Variants in RYR1 observed in about 807,000 individuals in gnomAD.
RYR1 encodes the protein ryanodine receptor 1, also known as central core disease of muscle.
In RYR1, 342 loss-of-function variants were observed where a neutral mutation model predicts 583.5. The ratio of observed to expected loss-of-function variants is 0.59; its 90% CI spans 0.54 to 0.64. RYR1 has a LOEUF of 0.64. Ranked by LOEUF, RYR1 falls within the 30% of genes least tolerant of loss-of-function variation. RYR1 has a pLI of 0.00. For synonymous variants in RYR1, 2,791 were observed against 2,822.5 expected, an observed-to-expected ratio of 0.99 and a Z score of 0.35; for missense variants, 6,032 against 6,917.2, an observed-to-expected ratio of 0.87 and a Z score of 4.54.
At chr19:38,532,884 C>T in intron 78 of RYR1, 148 bp downstream of exon 78, 1 of 768,318 alleles carries the variant, frequency 1.3e-6, no homozygotes, top group South Asian at 1.6e-5. Flanking sequence ...ATACACCCGC[C>T]AAACTAACAC....
chr19:38,537,416 G>A (rs965114683), intron 83 of RYR1, among the ~76,000 whole-genome samples: 1 of 152,108 alleles, frequency 6.6e-6, no homozygotes, highest in Non-Finnish European at 1.5e-5. Context: ...CAATTGGCTG[G>A]CTTTCAATCC....
At chr19:38,581,078 T>C (rs1261237668) in intron 101 of RYR1, among the ~76,000 whole-genome samples, 1 of 151,716 alleles carries the variant, frequency 6.6e-6, no homozygotes, top group Non-Finnish European at 1.5e-5. Flanking sequence ...TTTGTATTCT[T>C]AATTTTCTTT....
chr19:38,459,883 C>A (rs1372803170), intron 19 of RYR1, among the ~76,000 whole-genome samples: 7 of 152,184 alleles, frequency 4.6e-5, no homozygotes, highest in Non-Finnish European at 7.4e-5. Flanking sequence ...CCCAGTGACC[C>A]TGCTCCCGAA....
intron 66 of RYR1, 43 bp from the exon 67 acceptor site, chr19:38,519,171 T>C: frequency 6.2e-7 from 1 of 1,613,696 alleles, no homozygotes; most frequent in Non-Finnish European, 8.5e-7. Context: ...GGGGCCTGTG[T>C]CAGAGGCCGG....
rs957055761 is a variant in RYR1 at position 38,535,999 on chromosome 19, T to C, written c.11519T>C (p.Val3840Ala). The C allele has an allele frequency of 1.2e-6, 2 of 1,613,756 alleles. No homozygotes were observed. The highest frequency in any genetic ancestry group is 1.7e-6 in the Non-Finnish European group (2 of 1,179,928). The change falls in exon 82 of 106, where the codon GTC becomes GCC. Residue 3840 changes from valine (V) to alanine (A), a missense_variant and splice_region_variant. This residue lies in a region of RYR1 where 1,493 missense variants were observed against 1,715.5 expected (regional missense o/e 0.87). Coordinates refer to ENST00000359596, the MANE Select transcript of RYR1 (RefSeq NM_000540.3). ...SIQALMQTCS[V>A]LDLNAFERQN... The stretch of plus-strand genomic sequence containing the variant: ...TATCTTTCCTTTCTTTTCCTCAGCG[T>C]CCTGGATCTCAATGCCTTTGAGAGA...
In RYR1 at chr19:38,580,154, C is replaced by T. The variant is rs369184310; in HGVS notation, c.14511+26C>T. On this transcript the variant is annotated intron_variant, in intron 100 of 105. Transcript: ENST00000359596. ...GTGTGGGGAGGACCTGGCTGTGGGG[C>T]GTGGGCCAGCAGGGACCAGCGTGGC... is the stretch of plus-strand genomic sequence containing the variant. 197 of 1,613,868 alleles carry T rather than the reference C, an allele frequency of 1.2e-4. 2 individuals are homozygous for T. In the South Asian group the frequency reaches 1.9e-3, roughly 16 times the overall value.
At position 38,496,715 on chromosome 19, in the gene RYR1, C is replaced by T. The variant is rs1333553050; in HGVS notation, c.6797-145C>T. 5 of 1,104,716 alleles carry T rather than the reference C, an allele frequency of 4.5e-6. No individual in the cohort carries two copies. The highest frequency in any genetic ancestry group is 6.8e-6 in the Non-Finnish European group (5 of 732,362). The allele number at this position is 1,104,716 out of a possible 1,614,324, so 68.4% of individuals were successfully genotyped here. Reference sequence around the variant, plus strand: ...CAATAGTGACCCCAATAGTGACAGCCCAGAGTGGTCAGAGCTTGGATGAGG... The same window carrying T: ...CAATAGTGACCCCAATAGTGACAGCTCAGAGTGGTCAGAGCTTGGATGAGG... On this transcript the variant is annotated intron_variant, in intron 41 of 105. Transcript: ENST00000359596. This position sits in a 1 kb window ranked among gnomAD's most constrained non-coding sequence, Gnocchi z 4.8.
At chr19:38,549,875 T>TGTGTGTG (rs1972589062) in intron 89 of RYR1, among the ~76,000 whole-genome samples, 11 of 122,188 alleles carry the variant, frequency 9.0e-5, no homozygotes, top group Non-Finnish European at 1.5e-4. Flanking sequence ...CCAGCTAAAT[T>TGTGTGTG]TGTGTGTGTG....
chr19:38,502,870 T>C lies in RYR1; in HGVS notation c.7836-10T>C. ...ACGGGGGATTCTACATCTTGTGCAT[T>C]GTCCCGCAGGTACATCCGCCCGTCG... On this transcript the variant is annotated splice_polypyrimidine_tract_variant and intron_variant, in intron 48 of 105. Coordinates refer to ENST00000359596, the MANE Select transcript of RYR1 (RefSeq NM_000540.3). The C allele has an allele frequency of 1.2e-6, 2 of 1,609,344 alleles. No individual in the cohort carries two copies. Among genetic ancestry groups the C allele is most frequent in the Non-Finnish European group, 1.7e-6 (2 of 1,179,818 alleles).
At chr19:38,440,028 C>T (rs1369025632) in intron 1 of RYR1, among the ~76,000 whole-genome samples, 1 of 152,226 alleles carries the variant, frequency 6.6e-6, no homozygotes. Context: ...CTTGGGAGGC[C>T]TCTGGAGCCA....
chr19:38,584,654 A>C (rs1599673384), intron 101 of RYR1, among the ~76,000 whole-genome samples: 1 of 43,522 alleles, frequency 2.3e-5, no homozygotes, highest in Admixed American at 3.4e-4. Flanking sequence ...TGCCCCCCTT[A>C]TCCTGGCCCT....
chr19:38,440,631 T>C, intron 1 of RYR1, 114 bp from the exon 2 acceptor site: 2 of 1,294,594 alleles, frequency 1.5e-6, no homozygotes, highest in Non-Finnish European at 2.2e-6. Context: ...GGGTTGATCT[T>C]GTCAGTCACT....
intron 97 of RYR1, among the ~76,000 whole-genome samples, chr19:38,577,067 G>C (rs1360603911): frequency 2.6e-5 from 4 of 151,928 alleles, no homozygotes; most frequent in Non-Finnish European, 1.5e-5. Context: ...TGTATTTTTA[G>C]TAGAGACGGG....
intron 49 of RYR1, among the ~76,000 whole-genome samples, chr19:38,503,634 A>G (rs535379306): frequency 6.6e-6 from 1 of 152,184 alleles, no homozygotes; most frequent in African/African-American, 2.4e-5. Flanking sequence ...TAAGCCAGGC[A>G]TAGTGGAGCA....
chr19:38,558,044 C>T (rs1028295742), intron 89 of RYR1, among the ~76,000 whole-genome samples: 1 of 152,062 alleles, frequency 6.6e-6, no homozygotes, highest in South Asian at 2.1e-4. Flanking sequence ...CACGATGACT[C>T]ATGCCTGTAA....
intron 38 of RYR1, 119 bp downstream of exon 38, chr19:38,492,755 GA>G (rs1198413541): frequency 3.7e-6 from 4 of 1,078,134 alleles, no homozygotes; most frequent in Admixed American, 4.8e-5. Context: ...AGATAGGCAG[GA>G]GTGAGAGGGG....
chr19:38,463,617 C>G, intron 21 of RYR1, 90 bp downstream of exon 21: 1 of 1,472,910 alleles, frequency 6.8e-7, no homozygotes, highest in Non-Finnish European at 9.5e-7. Flanking sequence ...AGGGAGGGAC[C>G]ACAGGGCACC....
intron 96 of RYR1, among the ~76,000 whole-genome samples, chr19:38,573,989 C>G (rs1973844229): frequency 6.6e-6 from 1 of 151,908 alleles, no homozygotes; most frequent in African/African-American, 2.4e-5. Flanking sequence ...GCCTGTAATC[C>G]CAACACTTGG....
At chr19:38,507,027 G>T in intron 57 of RYR1, 75 bp downstream of exon 57, 1 of 1,605,526 alleles carries the variant, frequency 6.2e-7, no homozygotes, top group Non-Finnish European at 8.5e-7. Flanking sequence ...GGCGGGGCCA[G>T]AGAGGGGTGG....
Sources: gnomAD v4.1 joint callset for allele counts (sites outside exome capture counted in the v4.1 genomes callset) on GRCh38, gnomAD v4.1.1 for gene constraint, gnomAD v4.1.1 regional missense constraint, Gnocchi (gnomAD v3.1) non-coding constraint, MANE v1.5 for transcripts, NCBI Gene and HGNC (gene_info 2026-07-23, HGNC 2026-07-21) for gene names.